The following TDRP variants were observed in gnomAD, a reference collection of about 807,000 sequenced individuals.
The protein encoded by TDRP is testis development related protein.
A neutral mutation model predicts 10.5 loss-of-function variants in TDRP; 12 were observed. The ratio of observed to expected loss-of-function variants is 1.15; its 90% CI spans 0.73 to 1.86. The LOEUF is 1.86. TDRP is among the 40% of genes most tolerant of loss of function. The pLI, the probability that TDRP is intolerant of heterozygous loss-of-function variation, is 0.00. For missense variants in TDRP, 353 were observed against 229.2 expected, an observed-to-expected ratio of 1.54 and a Z score of -3.49; for synonymous variants, 139 against 95.4, an observed-to-expected ratio of 1.46 and a Z score of -2.67.
chr8:498,271 A>T (rs554539792), intron 1 of TDRP, among the ~76,000 whole-genome samples: 3 of 152,336 alleles, frequency 2.0e-5, no homozygotes, highest in Non-Finnish European at 4.4e-5. Flanking sequence ...TGTACCCTGC[A>T]GAGCCACAGG....
chr8:533,270 C>T (rs903168922), intron 1 of TDRP, among the ~76,000 whole-genome samples: 11 of 152,202 alleles, frequency 7.2e-5, no homozygotes, highest in Admixed American at 5.9e-4. Flanking sequence ...CAACTCTGGA[C>T]AGCAGGTAAC....
intron 1 of TDRP, among the ~76,000 whole-genome samples, chr8:495,986 C>T (rs953561069): frequency 1.3e-5 from 2 of 152,218 alleles, no homozygotes; most frequent in Admixed American, 6.5e-5. Context: ...GGCCCTCCAA[C>T]AGTTGTGACT....
chr8:533,038 A>G (rs972853564), intron 1 of TDRP, among the ~76,000 whole-genome samples: 41 of 152,328 alleles, frequency 2.7e-4, no homozygotes, highest in Middle Eastern at 3.4e-3. Context: ...CCAAAGTCCC[A>G]AAATGAGTAC....
intron 1 of TDRP, among the ~76,000 whole-genome samples, chr8:501,076 G>T (rs182055442): frequency 2.0e-5 from 3 of 151,904 alleles, no homozygotes; most frequent in Non-Finnish European, 4.4e-5. Context: ...GTGATGGCGG[G>T]CGCCTGTAGT....
At chr8:533,483 T>A (rs575590094) in intron 1 of TDRP, among the ~76,000 whole-genome samples, 1 of 152,292 alleles carries the variant, frequency 6.6e-6, no homozygotes, top group East Asian at 1.9e-4. Context: ...AGCTCACCTT[T>A]TCCTACATGT....
intron 1 of TDRP, among the ~76,000 whole-genome samples, chr8:503,871 G>A (rs1371430552): frequency 6.3e-5 from 9 of 142,394 alleles, no homozygotes; most frequent in South Asian, 2.3e-4. Flanking sequence ...ACACCAACAC[G>A]GAATCCAGAG....
chr8:492,798 C>A lies in TDRP; in HGVS notation c.213-54G>T, dbSNP rs371795507. 34 of 1,311,168 alleles carry A rather than the reference C, an allele frequency of 2.6e-5. No individual in the cohort carries two copies. In the African/African-American group the frequency reaches 4.6e-4, roughly 18 times the overall value. The allele number at this position is 1,311,168 out of a possible 1,614,324, so 81.2% of individuals were successfully genotyped here. A position where few individuals can be genotyped will look rare whatever the true frequency, so the allele number is the denominator to read the frequency against. On this transcript the variant is annotated intron_variant, in intron 2 of 2. Coordinates refer to ENST00000324079, the MANE Select transcript of TDRP (RefSeq NM_001384899.1). ...GTGACCCAGGTCTTAGGGCCTCAAG[C>A]TTTATCCATTTTACAAACATAAAAT...
intron 1 of TDRP, among the ~76,000 whole-genome samples, chr8:537,714 C>T (rs887461791): frequency 6.6e-6 from 1 of 152,170 alleles, no homozygotes; most frequent in African/African-American, 2.4e-5. Flanking sequence ...ATCAGTCTCA[C>T]AACTACCTGA....
At chr8:533,728 G>A (rs1442346128) in intron 1 of TDRP, among the ~76,000 whole-genome samples, 14 of 152,070 alleles carry the variant, frequency 9.2e-5, no homozygotes, top group Non-Finnish European at 1.9e-4. Flanking sequence ...TCCTGTGTCA[G>A]TTCAACTGCT....
intron 2 of TDRP, among the ~76,000 whole-genome samples, chr8:493,738 A>G (rs1269341135): frequency 3.3e-5 from 5 of 151,932 alleles, no homozygotes; most frequent in African/African-American, 1.2e-4. Flanking sequence ...TTTACCAGTC[A>G]ATCCTTTGTA....
At chr8:523,200 G>C (rs139872301) in intron 1 of TDRP, among the ~76,000 whole-genome samples, 33 of 152,130 alleles carry the variant, frequency 2.2e-4, no homozygotes, top group African/African-American at 7.7e-4. Context: ...TTATCACAGG[G>C]ATTACATAAA....
At chr8:502,300 C>T (rs890296957) in intron 1 of TDRP, among the ~76,000 whole-genome samples, 3 of 152,218 alleles carry the variant, frequency 2.0e-5, no homozygotes, top group Admixed American at 1.3e-4. Flanking sequence ...GAACCCAGTC[C>T]TGACATCCAA....
chr8:521,827 G>A (rs1044540279), intron 1 of TDRP, among the ~76,000 whole-genome samples: 6 of 152,100 alleles, frequency 3.9e-5, no homozygotes, highest in Admixed American at 3.9e-4. Flanking sequence ...GGGTAATATG[G>A]ACATTTTAAC....
At position 506,164 on chromosome 8, in the gene TDRP, G is replaced by A. The variant is rs527850428; in HGVS notation, c.109-11567C>T. Among the ~76,000 whole-genome samples the A allele has an allele frequency of 4.6e-5, 7 of 152,274 alleles. No individual in the cohort carries two copies. In the East Asian group the frequency reaches 1.3e-3, roughly 29 times the overall value. ...TCCCTGTTTTTGCTGTAAGAAAATT[G>A]AAATTATTTAAACAACAAAAAACAC... On this transcript the variant is annotated intron_variant, in intron 1 of 2. Transcript: ENST00000324079.
At chr8:514,525 C>T (rs145203599) in intron 1 of TDRP, among the ~76,000 whole-genome samples, 1 of 152,162 alleles carries the variant, frequency 6.6e-6, no homozygotes, top group Non-Finnish European at 1.5e-5. Flanking sequence ...TGCCTCAATG[C>T]AGGGACCAGG....
At chr8:533,128 T>G (rs1712130311) in intron 1 of TDRP, among the ~76,000 whole-genome samples, 1 of 152,224 alleles carries the variant, frequency 6.6e-6, no homozygotes, top group South Asian at 2.1e-4. Context: ...TTGTTCTTCC[T>G]GGTCTCAACC....
At chr8:499,309 G>A (rs1242562707) in intron 1 of TDRP, among the ~76,000 whole-genome samples, 1 of 152,156 alleles carries the variant, frequency 6.6e-6, no homozygotes, top group Non-Finnish European at 1.5e-5. Context: ...TTACAAGAAT[G>A]CCTTAATCTC....
At chr8:502,504 C>T (rs1191167814) in intron 1 of TDRP, among the ~76,000 whole-genome samples, 1 of 152,250 alleles carries the variant, frequency 6.6e-6, no homozygotes, top group African/African-American at 2.4e-5. Context: ...TGCCTGAACA[C>T]AGTCTGACTC....
intron 1 of TDRP, among the ~76,000 whole-genome samples, chr8:505,990 G>C (rs1801452817): frequency 6.6e-6 from 1 of 152,098 alleles, no homozygotes; most frequent in Non-Finnish European, 1.5e-5. Flanking sequence ...TGGAAATGTG[G>C]GCATGGACAT....
Sources: allele counts gnomAD v4.1 joint callset (sites outside exome capture counted in the v4.1 genomes callset), GRCh38; gene constraint gnomAD v4.1.1; transcripts MANE v1.5; gene names NCBI Gene and HGNC (gene_info 2026-07-23, HGNC 2026-07-21).